CDH12: variants seen among roughly 807,000 people sequenced by gnomAD.
CDH12 encodes the protein cadherin-12.
A neutral mutation model predicts 74.1 loss-of-function variants in CDH12; 41 were observed. The observed-to-expected ratio is 0.55, with a 90% CI of 0.43 to 0.72. The LOEUF is 0.72. Ranked by LOEUF, CDH12 falls within the 30% of genes least tolerant of loss-of-function variation. CDH12 has a pLI of 0.00. For synonymous variants in CDH12, 399 were observed against 355.0 expected, an observed-to-expected ratio of 1.12 and a Z score of -1.39; for missense variants, 945 against 977.2, an observed-to-expected ratio of 0.97 and a Z score of 0.44.
chr5:21,817,351 T>C (rs1748116554), intron 8 of CDH12, among the ~76,000 whole-genome samples: 1 of 152,124 alleles, frequency 6.6e-6, no homozygotes, highest in Non-Finnish European at 1.5e-5. Context: ...TAACTGGGCA[T>C]TATAAATAGT....
intron 4 of CDH12, among the ~76,000 whole-genome samples, chr5:22,087,385 A>G (rs117488023): frequency 0.012 from 1,850 of 152,226 alleles, 23 homozygotes; most frequent in South Asian, 0.059. Flanking sequence ...CACACCTCTA[A>G]TCCCAACACT....
At chr5:22,443,407 A>C (rs1262605707) in intron 2 of CDH12, among the ~76,000 whole-genome samples, 3 of 152,146 alleles carry the variant, frequency 2.0e-5, no homozygotes, top group Non-Finnish European at 4.4e-5. Flanking sequence ...AACTATCATG[A>C]AATTTAAAAG....
intron 1 of CDH12, among the ~76,000 whole-genome samples, chr5:22,532,687 G>A (rs1737648227): frequency 6.6e-6 from 1 of 151,738 alleles, no homozygotes; most frequent in African/African-American, 2.4e-5. Context: ...GGTTAACAAA[G>A]TCTCAGATGT....
At chr5:22,129,100 G>T (rs1746036701) in intron 4 of CDH12, among the ~76,000 whole-genome samples, 1 of 152,092 alleles carries the variant, frequency 6.6e-6, no homozygotes, top group Non-Finnish European at 1.5e-5. Context: ...CCAACTAAAG[G>T]AACAAAGATT....
At chr5:22,329,293 C>T (rs1313896801) in intron 3 of CDH12, among the ~76,000 whole-genome samples, 2 of 152,076 alleles carry the variant, frequency 1.3e-5, no homozygotes, top group African/African-American at 2.4e-5. Flanking sequence ...AATTTTAATA[C>T]CAGCAATAGA....
intron 3 of CDH12, among the ~76,000 whole-genome samples, chr5:22,243,988 T>A (rs1417247571): frequency 6.6e-6 from 1 of 152,146 alleles, no homozygotes; most frequent in Non-Finnish European, 1.5e-5. Flanking sequence ...TAAATTGGGA[T>A]CTTAAAGAGT....
At chr5:22,307,873 G>GGTT (rs1554030097) in intron 3 of CDH12, among the ~76,000 whole-genome samples, 1 of 68,658 alleles carries the variant, frequency 1.5e-5, no homozygotes, top group Non-Finnish European at 2.4e-5. Flanking sequence ...CTTTCTTTTA[G>GGTT]TTTTTTTTTT....
chr5:22,018,654 C>A (rs1477364773), intron 5 of CDH12, among the ~76,000 whole-genome samples: 1 of 152,170 alleles, frequency 6.6e-6, no homozygotes, highest in Non-Finnish European at 1.5e-5. Context: ...GTCAACAAAA[C>A]ATTGTTTTAA....
At chr5:22,171,438 G>A (rs1449029953) in intron 4 of CDH12, among the ~76,000 whole-genome samples, 60 of 151,908 alleles carry the variant, frequency 3.9e-4, no homozygotes, top group Non-Finnish European at 1.2e-4. Flanking sequence ...CTGATAATAT[G>A]AGTGTAATAC....
chr5:21,874,574 C>T (rs1360601086), intron 6 of CDH12, among the ~76,000 whole-genome samples: 1 of 152,084 alleles, frequency 6.6e-6, no homozygotes, highest in African/African-American at 2.4e-5. Flanking sequence ...GAGTGGCAAC[C>T]CCCTTTCAGT....
At chr5:22,343,082 T>C (rs375922541) in intron 3 of CDH12, among the ~76,000 whole-genome samples, 1 of 151,984 alleles carries the variant, frequency 6.6e-6, no homozygotes, top group African/African-American at 2.4e-5. Context: ...TTCCAACTCC[T>C]GACCGCATGT....
intron 4 of CDH12, among the ~76,000 whole-genome samples, chr5:22,130,904 C>G (rs1416971200): frequency 6.6e-6 from 1 of 151,468 alleles, no homozygotes. Context: ...CAGGATATAT[C>G]TTTTCTAAAT....
intron 3 of CDH12, among the ~76,000 whole-genome samples, chr5:22,284,949 T>C (rs202247205): frequency 0.014 from 492 of 36,264 alleles, 2 homozygotes; most frequent in African/African-American, 0.04. Context: ...GAAGAAGAAA[T>C]GAAAAAAAAA....
At chr5:21,859,404 C>T (rs1297564736) in intron 6 of CDH12, among the ~76,000 whole-genome samples, 1 of 151,922 alleles carries the variant, frequency 6.6e-6, no homozygotes. Context: ...ATCATGAGAA[C>T]AGCATGGGGG....
chr5:22,670,777 G>C (rs1740861312), intron 1 of CDH12, among the ~76,000 whole-genome samples: 1 of 151,876 alleles, frequency 6.6e-6, no homozygotes, highest in Non-Finnish European at 1.5e-5. Context: ...CAGTAACGTA[G>C]GTGTTTGGTT....
chr5:22,319,464 G>T (rs532788443), intron 3 of CDH12, among the ~76,000 whole-genome samples: 6 of 152,152 alleles, frequency 3.9e-5, no homozygotes, highest in Non-Finnish European at 7.3e-5. Flanking sequence ...TTTAGGGTTT[G>T]TCTATGTGGA....
intron 1 of CDH12, among the ~76,000 whole-genome samples, chr5:22,535,241 G>A (rs140295054): frequency 3.6e-5 from 5 of 140,350 alleles, no homozygotes; most frequent in African/African-American, 1.3e-4. Context: ...TGCAAGCTCC[G>A]CTTCCCGGGT....
intron 1 of CDH12, among the ~76,000 whole-genome samples, chr5:22,573,266 T>G (rs920137526): frequency 6.6e-6 from 1 of 152,166 alleles, no homozygotes; most frequent in African/African-American, 2.4e-5. Flanking sequence ...CTCAGTGAAT[T>G]TATATACATA....
chr5:21,789,657 A>C (rs902066297), intron 10 of CDH12, among the ~76,000 whole-genome samples: 2 of 152,180 alleles, frequency 1.3e-5, no homozygotes, highest in Non-Finnish European at 2.9e-5. Flanking sequence ...ATTCCAGTTA[A>C]CTTGCATGAT....
Sources: gnomAD v4.1 joint callset for allele counts (sites outside exome capture counted in the v4.1 genomes callset) on GRCh38, gnomAD v4.1.1 for gene constraint, MANE v1.5 for transcripts, NCBI Gene and HGNC (gene_info 2026-07-23, HGNC 2026-07-21) for gene names.